DCX: variants seen among roughly 807,000 people sequenced by gnomAD.
DCX encodes neuronal migration protein doublecortin.
Under a neutral mutation model 20.9 loss-of-function variants are expected in DCX, and 4 were observed. The observed-to-expected ratio is 0.19, with a 90% CI of 0.09 to 0.44. The LOEUF is 0.44. Among genes scored for constraint, DCX ranks in the 20% least tolerant of loss-of-function variants. DCX has a pLI of 0.99. For synonymous variants in DCX, 103 were observed against 111.4 expected, an observed-to-expected ratio of 0.92 and a Z score of 0.47; for missense variants, 133 against 296.9, an observed-to-expected ratio of 0.45 and a Z score of 4.06.
chrX:111,391,149 AT>A lies in DCX; in HGVS notation c.705+9840del, dbSNP rs200655594. ...TGGAGGCGGGACCTGGTGGGAGGTG[AT>A]TGAATCATGGGGACAGATTTTTCCC... On this transcript the variant is annotated intron_variant, in intron 3 of 6. Transcript: ENST00000636035. Among the ~76,000 whole-genome samples, 709 of 110,919 alleles carry A rather than the reference AT, an allele frequency of 6.4e-3. 1 individual carries two copies. Among genetic ancestry groups the A allele is most frequent in the African/African-American group, 0.021 (644 of 30,481 alleles).
Position 111,342,339 on chromosome X carries a change from TTATATATATATATATATA to T in DCX, c.706-9204_706-9187del, listed in dbSNP as rs60045433. 5.7e-3 allele frequency among the ~76,000 whole-genome samples: 118 copies of T among 20,735 alleles called. 1 individual carries two copies. Among genetic ancestry groups the T allele is most frequent in the South Asian group, 0.035 (5 of 144 alleles). 18.0% of individuals were successfully genotyped at this position (20,735 alleles called of 115,157 possible). A position where few individuals can be genotyped will look rare whatever the true frequency, so the allele number is the denominator to read the frequency against. ...ACAATTCAACAAGAAGAGCTAACTA[TTATATATATATATATATA>T]TATATATATATATATATATATATAT... On this transcript the variant is annotated intron_variant, in intron 3 of 6. Coordinates refer to ENST00000636035, the MANE Select transcript of DCX (RefSeq NM_001195553.2).
intron 3 of DCX, among the ~76,000 whole-genome samples, chrX:111,373,016 A>G (rs1925225407): frequency 9.0e-6 from 1 of 111,414 alleles, no homozygotes; most frequent in African/African-American, 3.3e-5. Flanking sequence ...GTCAGCAATC[A>G]AGGGATGCTT....
chrX:111,354,125 T>G (rs1923544294), intron 3 of DCX, among the ~76,000 whole-genome samples: 1 of 111,829 alleles, frequency 8.9e-6, no homozygotes. Flanking sequence ...AGCTAATTCA[T>G]GCTAGAATGT....
At chrX:111,328,098 A>G (rs1451722555) in intron 5 of DCX, among the ~76,000 whole-genome samples, 1 of 112,416 alleles carries the variant, frequency 8.9e-6, no homozygotes, top group East Asian at 2.8e-4. Flanking sequence ...TGGTGGTAGG[A>G]AACAGAGGTT....
chrX:111,375,095 G>T (rs1046088155), intron 3 of DCX, among the ~76,000 whole-genome samples: 2 of 104,034 alleles, frequency 1.9e-5, no homozygotes, highest in Non-Finnish European at 3.9e-5. Context: ...ATTGCCAAGG[G>T]TTAAAGGCAG....
intron 6 of DCX, among the ~76,000 whole-genome samples, chrX:111,308,509 G>A (rs1027471960): frequency 2.7e-5 from 3 of 110,360 alleles, no homozygotes; most frequent in Non-Finnish European, 5.7e-5. Context: ...ACTCTCTCCC[G>A]TCTTTCCCAC....
chrX:111,385,136 T>C (rs777462998), intron 3 of DCX, among the ~76,000 whole-genome samples: 2 of 112,507 alleles, frequency 1.8e-5, no homozygotes, highest in South Asian at 7.3e-4. Context: ...TGGCCTGCCC[T>C]GGATTTGCCA....
intron 2 of DCX, among the ~76,000 whole-genome samples, chrX:111,402,107 G>A (rs979187527): frequency 8.9e-6 from 1 of 111,796 alleles, no homozygotes; most frequent in Non-Finnish European, 1.9e-5. Flanking sequence ...CCTCTCAAAG[G>A]ATGCACATAA....
chrX:111,362,847 T>A (rs1176275383), intron 3 of DCX, among the ~76,000 whole-genome samples: 2 of 111,928 alleles, frequency 1.8e-5, no homozygotes, highest in Non-Finnish European at 3.8e-5. Context: ...GTTTGTTTAT[T>A]TAGTCAACAA....
chrX:111,358,013 A>G (rs1192196189), intron 3 of DCX, among the ~76,000 whole-genome samples: 1 of 109,392 alleles, frequency 9.1e-6, no homozygotes, highest in Non-Finnish European at 1.9e-5. Context: ...TTTTTAGTAG[A>G]GATGGGGTTT....
chrX:111,371,001 CT>C (rs1925039663), intron 3 of DCX, among the ~76,000 whole-genome samples: 1 of 111,840 alleles, frequency 8.9e-6, no homozygotes, highest in South Asian at 3.8e-4. Flanking sequence ...CTAACCACCC[CT>C]CTATCAATCC....
intron 5 of DCX, among the ~76,000 whole-genome samples, chrX:111,319,274 C>A (rs999614355): frequency 2.7e-5 from 3 of 111,492 alleles, no homozygotes; most frequent in African/African-American, 9.8e-5. Context: ...AGGGTAGAAG[C>A]AAAGAGGTTG....
At chrX:111,370,571 G>C (rs1181598096) in intron 3 of DCX, among the ~76,000 whole-genome samples, 2 of 111,595 alleles carry the variant, frequency 1.8e-5, no homozygotes, top group African/African-American at 6.5e-5. Context: ...TCAGTGGGGA[G>C]AGGGACAGTT....
Position 111,312,686 on chromosome X carries a change from G to A in DCX, c.997C>T (p.Pro333Ser). 8.3e-7 allele frequency: 1 copy of A among 1,211,974 alleles called. No individual in the cohort carries two copies. Among genetic ancestry groups the A allele is most frequent in the Non-Finnish European group, 1.1e-6 (1 of 895,600 alleles). ...QLSTPKSKQS[P>S]ISTPTSPGSL... ...CCAGGACTGGTGGGCGTAGAGATGG[G>A]AGACTGCTTAGACTTGGGGGTAGAG... Residue 333 changes from proline (P) to serine (S), a missense_variant, in exon 6 of 7, where the codon CCC becomes TCC. By Grantham distance (74) the Pro-to-Ser change is moderately conservative (BLOSUM62 -1). This residue lies in a region of DCX where 68 missense variants were observed against 84.3 expected (regional missense o/e 0.81). Coordinates refer to ENST00000636035, the MANE Select transcript of DCX (RefSeq NM_001195553.2).
chrX:111,362,517 G>A (rs1473309642), intron 3 of DCX, among the ~76,000 whole-genome samples: 1 of 111,504 alleles, frequency 9.0e-6, no homozygotes, highest in African/African-American at 3.3e-5. Flanking sequence ...ACGAGATGGT[G>A]CTGTGCCTGC....
At chrX:111,319,613 G>A (rs935478370) in intron 5 of DCX, among the ~76,000 whole-genome samples, 1 of 112,259 alleles carries the variant, frequency 8.9e-6, no homozygotes, top group Non-Finnish European at 1.9e-5. Flanking sequence ...TGTAGGAAAT[G>A]AAGGAGTTAA....
chrX:111,328,614 A>G (rs954326895), intron 5 of DCX, among the ~76,000 whole-genome samples: 1 of 112,113 alleles, frequency 8.9e-6, no homozygotes, highest in African/African-American at 3.2e-5. Flanking sequence ...TAATAAATAG[A>G]GTCTGGTTCC....
intron 5 of DCX, 59 bp from the exon 6 acceptor site, chrX:111,312,795 T>A: frequency 1.8e-6 from 2 of 1,082,649 alleles, no homozygotes; most frequent in Non-Finnish European, 2.6e-6. Context: ...AAGGAGCAAG[T>A]TATCCTTCCC....
chrX:111,363,851 A>G (rs1006522945), intron 3 of DCX, among the ~76,000 whole-genome samples: 1 of 111,641 alleles, frequency 9.0e-6, no homozygotes, highest in East Asian at 2.8e-4. Context: ...GATGTTCTCA[A>G]TGAAGATTAA....
Sources: gnomAD v4.1 joint callset for allele counts (sites outside exome capture counted in the v4.1 genomes callset) on GRCh38, gnomAD v4.1.1 for gene constraint, gnomAD v4.1.1 regional missense constraint, MANE v1.5 for transcripts, NCBI Gene and HGNC (gene_info 2026-07-23, HGNC 2026-07-21) for gene names.